Variants in MSRA observed in about 807,000 individuals in gnomAD.
MSRA encodes methionine sulfoxide reductase A.
In MSRA, 54 loss-of-function variants were observed where a neutral mutation model predicts 31.3. That is an observed-to-expected ratio of 1.73 (90% CI 1.39 to 2.17). The LOEUF (loss-of-function observed/expected upper bound fraction) is 2.17. MSRA is among the 30% of genes most tolerant of loss of function. MSRA has a pLI of 0.00. For synonymous variants in MSRA, 169 were observed against 116.5 expected, an observed-to-expected ratio of 1.45 and a Z score of -2.90; for missense variants, 507 against 300.9, an observed-to-expected ratio of 1.69 and a Z score of -5.07.
intron 2 of MSRA, among the ~76,000 whole-genome samples, chr8:10,208,955 T>G (rs1423669930): frequency 6.6e-6 from 1 of 152,230 alleles, no homozygotes; most frequent in African/African-American, 2.4e-5. Flanking sequence ...GATTGTTCCC[T>G]TATTCCCAGA....
rs187546890 is a variant in MSRA at position 10,120,428 on chromosome 8, C to T, written c.142+65770C>T. Among the ~76,000 whole-genome samples, 5 of 152,296 alleles carry T rather than the reference C, an allele frequency of 3.3e-5. No individual in the cohort carries two copies. In the East Asian group the frequency reaches 7.7e-4, roughly 24 times the overall value. ...GGTTTCTGACACTGGCACCCTAGAA[C>T]ATGTACAAAAGGGTAGTGACACCAC... On this transcript the variant is annotated intron_variant, in intron 1 of 5. Transcript: ENST00000317173.
At chr8:10,385,744 G>GCCACA (rs1380566766) in intron 5 of MSRA, among the ~76,000 whole-genome samples, 1 of 146,410 alleles carries the variant, frequency 6.8e-6, no homozygotes. Context: ...CGGTGTCATA[G>GCCACA]CCACATTTAC....
chr8:10,183,021 C>T (rs911210728), intron 1 of MSRA, among the ~76,000 whole-genome samples: 1 of 152,228 alleles, frequency 6.6e-6, no homozygotes, highest in Non-Finnish European at 1.5e-5. Flanking sequence ...ATTCCATGAG[C>T]CAACCAGCCA....
At position 10,056,208 on chromosome 8, in the gene MSRA, A is replaced by AC. The variant is rs1554532493; in HGVS notation, c.142+1550_142+1551insC. On this transcript the variant is annotated intron_variant, in intron 1 of 5. Coordinates refer to ENST00000317173, the MANE Select transcript of MSRA (RefSeq NM_012331.5). ...TGCCCTCCCATACACCAAAAAAAAA[A>AC]AAAAAAAAAAAAACCCCAAATAATC... Among the ~76,000 whole-genome samples the AC allele has an allele frequency of 3.2e-3, 423 of 130,562 alleles. 5 individuals are homozygous for AC. The highest frequency in any genetic ancestry group is 0.013 in the Admixed American group (146 of 11,286). 85.7% of individuals were successfully genotyped at this position (130,562 alleles called of 152,430 possible). A position where few individuals can be genotyped will look rare whatever the true frequency, so the allele number is the denominator to read the frequency against.
At chr8:10,389,558 T>C (rs1406288126) in intron 5 of MSRA, among the ~76,000 whole-genome samples, 1 of 152,220 alleles carries the variant, frequency 6.6e-6, no homozygotes, top group Non-Finnish European at 1.5e-5. Context: ...GGAGCTGTTA[T>C]GAGAACCACT....
intron 1 of MSRA, among the ~76,000 whole-genome samples, chr8:10,087,118 C>T (rs1563418446): frequency 6.6e-6 from 1 of 152,274 alleles, no homozygotes; most frequent in East Asian, 1.9e-4. Context: ...TGCAAAGTGT[C>T]TTATCTTCCT....
intron 3 of MSRA, among the ~76,000 whole-genome samples, chr8:10,261,888 G>A (rs542730135): frequency 3.3e-5 from 5 of 152,246 alleles, no homozygotes; most frequent in African/African-American, 7.2e-5. Context: ...CAAACCCCTG[G>A]CAATCACTAG....
chr8:10,096,703 A>G (rs1799179133), intron 1 of MSRA, among the ~76,000 whole-genome samples: 2 of 152,162 alleles, frequency 1.3e-5, no homozygotes, highest in African/African-American at 2.4e-5. Flanking sequence ...TATACTTTAT[A>G]TCTAATTTCT....
At chr8:10,356,438 C>T (rs1464637511) in intron 5 of MSRA, among the ~76,000 whole-genome samples, 7 of 152,204 alleles carry the variant, frequency 4.6e-5, no homozygotes, top group Non-Finnish European at 1.0e-4. Context: ...TACAGCTTTA[C>T]AGCTCCTCAC....
chr8:10,057,681 G>T (rs1345488781), intron 1 of MSRA, among the ~76,000 whole-genome samples: 2 of 152,098 alleles, frequency 1.3e-5, no homozygotes, highest in African/African-American at 2.4e-5. Context: ...GAATTCTCAC[G>T]AGATCTGATT....
chr8:10,214,903 A>G (rs1809854704), intron 2 of MSRA, among the ~76,000 whole-genome samples: 1 of 152,152 alleles, frequency 6.6e-6, no homozygotes, highest in African/African-American at 2.4e-5. Context: ...TAATATAGAG[A>G]AGGAGAAAGA....
At chr8:10,346,433 C>T (rs1331967649) in intron 5 of MSRA, among the ~76,000 whole-genome samples, 1 of 152,204 alleles carries the variant, frequency 6.6e-6, no homozygotes, top group African/African-American at 2.4e-5. Flanking sequence ...TCCCATCCTG[C>T]ATCCACTGCA....
In MSRA at chr8:10,122,303, G is replaced by T. The variant is rs535595637; in HGVS notation, c.142+67645G>T. 1.8e-4 allele frequency among the ~76,000 whole-genome samples: 28 copies of T among 152,318 alleles called. 1 individual carries two copies. In the South Asian group the frequency reaches 5.6e-3, roughly 30 times the overall value. On this transcript the variant is annotated intron_variant, in intron 1 of 5. Coordinates refer to ENST00000317173, the MANE Select transcript of MSRA (RefSeq NM_012331.5). ...CAAAGAAAAAGGCACCAGGCTCAGC[G>T]GGAGCACCCGCCTGGAGAAGCATAC...
intron 1 of MSRA, among the ~76,000 whole-genome samples, chr8:10,068,784 G>C (rs192248459): frequency 7.2e-5 from 11 of 152,042 alleles, no homozygotes; most frequent in Middle Eastern, 6.8e-3. Context: ...TCCATATAAA[G>C]TTTAGAATCA....
chr8:10,258,211 A>T (rs4504638), intron 3 of MSRA, among the ~76,000 whole-genome samples: 4 of 152,102 alleles, frequency 2.6e-5, no homozygotes, highest in African/African-American at 9.7e-5. Context: ...ACGCAGGGAC[A>T]GTCTATGTCT....
intron 5 of MSRA, among the ~76,000 whole-genome samples, chr8:10,348,307 A>T (rs7830077): frequency 0.012 from 1,735 of 148,878 alleles, 40 homozygotes; most frequent in African/African-American, 0.041. Flanking sequence ...GGCCTACACC[A>T]GCAGCATGGC....
At chr8:10,115,721 G>C (rs564757954) in intron 1 of MSRA, among the ~76,000 whole-genome samples, 1 of 152,134 alleles carries the variant, frequency 6.6e-6, no homozygotes, top group Non-Finnish European at 1.5e-5. Flanking sequence ...ACGGATCTGC[G>C]TGATGAATTT....
At chr8:10,265,878 C>T (rs1364461788) in intron 3 of MSRA, among the ~76,000 whole-genome samples, 1 of 152,148 alleles carries the variant, frequency 6.6e-6, no homozygotes, top group Non-Finnish European at 1.5e-5. Flanking sequence ...TCTTTTTGTG[C>T]CTGGCTTCTT....
chr8:10,080,042 A>T (rs953441807), intron 1 of MSRA, among the ~76,000 whole-genome samples: 3 of 152,176 alleles, frequency 2.0e-5, no homozygotes, highest in Non-Finnish European at 4.4e-5. Context: ...GAAGCTGATG[A>T]ATTAGAACTC....
Sources: gnomAD v4.1 joint callset for allele counts (sites outside exome capture counted in the v4.1 genomes callset) on GRCh38, gnomAD v4.1.1 for gene constraint, MANE v1.5 for transcripts, NCBI Gene and HGNC (gene_info 2026-07-23, HGNC 2026-07-21) for gene names.